FOXK1: variants seen among roughly 807,000 people sequenced by gnomAD.
FOXK1 encodes forkhead box protein K1.
FOXK1 carries 19 observed loss-of-function variants against 51.9 expected under a neutral mutation model. That is an observed-to-expected ratio of 0.37 (90% CI 0.26 to 0.54). The LOEUF (loss-of-function observed/expected upper bound fraction) is 0.54, where lower values mean the gene tolerates loss of function less well. FOXK1 is among the 20% of genes least tolerant of loss of function. The pLI is 0.87. For missense variants in FOXK1, 870 were observed against 1,032.7 expected (o/e 0.84, Z 2.16); for synonymous variants, 537 against 482.6 (o/e 1.11, Z -1.48).
At chr7:4,725,877 T>C (rs1327851571) in intron 1 of FOXK1, among the ~76,000 whole-genome samples, 1 of 152,202 alleles carries the variant, frequency 6.6e-6, no homozygotes, top group African/African-American at 2.4e-5. Context: ...GGCTTCTGGC[T>C]GGCAGGGGTG....
Position 4,756,720 on chromosome 7 carries a change from G to A in FOXK1, c.1051-274G>A, listed in dbSNP as rs1780857821. Among the ~76,000 whole-genome samples the A allele has an allele frequency of 6.6e-6, 1 of 151,422 alleles. No individual in the cohort carries two copies. The highest frequency in any genetic ancestry group is 2.4e-5 in the African/African-American group (1 of 41,190). On this transcript the variant is annotated intron_variant, in intron 4 of 8. Coordinates refer to ENST00000328914, the MANE Select transcript of FOXK1 (RefSeq NM_001037165.2). The surrounding 1 kb of genome is among the most constrained non-coding windows in gnomAD (Gnocchi z 4.1). Reference sequence around the variant, plus strand: ...GCGGAACTTGCAGTGAGCCGAGATCGTGCCACTGCACTCCATCCTGGGCGA... The same window carrying A: ...GCGGAACTTGCAGTGAGCCGAGATCATGCCACTGCACTCCATCCTGGGCGA...
In FOXK1 at chr7:4,762,283, C is replaced by T; in HGVS notation, c.2021C>T (p.Ala674Val). 3 of 1,550,688 alleles carry T rather than the reference C, an allele frequency of 1.9e-6. No individual in the cohort carries two copies. Among genetic ancestry groups the T allele is most frequent in the Non-Finnish European group, 2.6e-6 (3 of 1,146,866 alleles). Residue 674 changes from alanine to valine, a missense_variant, in exon 9 of 9, where the codon GCA becomes GTA. Ala to Val is a moderately conservative substitution (Grantham distance 64). Coordinates refer to ENST00000328914, the MANE Select transcript of FOXK1 (RefSeq NM_001037165.2). The surrounding 1 kb of genome is among the most constrained non-coding windows in gnomAD (Gnocchi z 5.7). ...GAGGTGGGGCCCAAGGAGCCAGCAG[C>T]AGCCGTCGCGGCCACGGCCACCACC... The part of the protein sequence containing the change: ...VCEVGPKEPA[A>V]AVAATATTTP...
intron 2 of FOXK1, among the ~76,000 whole-genome samples, chr7:4,742,125 C>T (rs770763844): frequency 9.9e-5 from 15 of 152,244 alleles, no homozygotes; most frequent in Non-Finnish European, 1.9e-4. Flanking sequence ...GCAGTTTCTG[C>T]GTCGCTCGCG....
intron 2 of FOXK1, among the ~76,000 whole-genome samples, chr7:4,741,860 T>C (rs938222694): frequency 6.6e-6 from 1 of 152,344 alleles, no homozygotes; most frequent in South Asian, 2.1e-4. Flanking sequence ...AGCCCTAGAC[T>C]GAGTCACACA....
In FOXK1 at chr7:4,764,711, C is replaced by T. The variant is rs1326495655; in HGVS notation, c.*2247C>T. 4 of 152,318 alleles carry T rather than the reference C, an allele frequency of 2.6e-5. No homozygotes were observed. The highest frequency in any genetic ancestry group is 5.9e-5 in the Non-Finnish European group (4 of 68,120). The allele number at this position is 152,318 out of a possible 1,614,324, so 9.4% of individuals were successfully genotyped here. Reference sequence around the variant, plus strand: ...GGTGACTATATGTCCTCAGGGCTGCCTGTGGCCACCCTGATGGGAGACCTC... The same window carrying T: ...GGTGACTATATGTCCTCAGGGCTGCTTGTGGCCACCCTGATGGGAGACCTC... On this transcript the variant is annotated 3_prime_UTR_variant, in exon 9 of 9. Coordinates refer to ENST00000328914, the MANE Select transcript of FOXK1 (RefSeq NM_001037165.2).
At chr7:4,746,340 T>C (rs971087486) in intron 2 of FOXK1, among the ~76,000 whole-genome samples, 3 of 152,208 alleles carry the variant, frequency 2.0e-5, no homozygotes, top group Non-Finnish European at 4.4e-5. Context: ...GGATCTACGT[T>C]AGAAATACTC....
chr7:4,721,771 A>G (rs1042948808), intron 1 of FOXK1, among the ~76,000 whole-genome samples: 2 of 151,666 alleles, frequency 1.3e-5, no homozygotes, highest in African/African-American at 4.8e-5. Flanking sequence ...TTGCATTTTT[A>G]GTATAGACAG....
intron 1 of FOXK1, among the ~76,000 whole-genome samples, chr7:4,713,324 C>A (rs1049449045): frequency 6.6e-6 from 1 of 152,054 alleles, no homozygotes; most frequent in Non-Finnish European, 1.5e-5. Flanking sequence ...GATTCCCGCT[C>A]ACTGAGATTC....
At chr7:4,751,583 C>G (rs147476367) in intron 2 of FOXK1, among the ~76,000 whole-genome samples, 1 of 152,200 alleles carries the variant, frequency 6.6e-6, no homozygotes, top group Non-Finnish European at 1.5e-5. Context: ...GGCCTGGTAT[C>G]GGGGGCCTTG....
rs762943822 is a variant in FOXK1, at chr7:4,735,472, T to G, written c.561-5366T>G. On this transcript the variant is annotated intron_variant, in intron 1 of 8. Coordinates refer to ENST00000328914, the MANE Select transcript of FOXK1 (RefSeq NM_001037165.2). The surrounding 1 kb of genome is among the most constrained non-coding windows in gnomAD (Gnocchi z 4.7). Reference sequence around the variant, plus strand: ...CAACTTCGGAACATTTTCCTGACTCTAGAAAGAACCCCCTAGCTCTTAGTC... The same window carrying G: ...CAACTTCGGAACATTTTCCTGACTCGAGAAAGAACCCCCTAGCTCTTAGTC... Among the ~76,000 whole-genome samples the G allele has an allele frequency of 7.2e-5, 11 of 152,176 alleles. No homozygotes were observed. The highest frequency in any genetic ancestry group is 2.1e-4 in the South Asian group (1 of 4,828).
Position 4,763,534 on chromosome 7 carries a change from G to A in FOXK1, c.*1070G>A, listed in dbSNP as rs915219418. 2.0e-5 allele frequency: 3 copies of A among 152,400 alleles called. No individual in the cohort carries two copies. The highest frequency in any genetic ancestry group is 4.4e-5 in the Non-Finnish European group (3 of 68,192). 9.4% of individuals were successfully genotyped at this position (152,400 alleles called of 1,614,324 possible). A position where few individuals can be genotyped will look rare whatever the true frequency, so the allele number is the denominator to read the frequency against. Reference sequence around the variant, plus strand: ...CCTGAAACTCCAGGGCCCCTCCCTGGGCTGTCCGTGAGCAGGAGACCCCAC... The same window carrying A: ...CCTGAAACTCCAGGGCCCCTCCCTGAGCTGTCCGTGAGCAGGAGACCCCAC... On this transcript the variant is annotated 3_prime_UTR_variant, in exon 9 of 9. Coordinates refer to ENST00000328914, the MANE Select transcript of FOXK1 (RefSeq NM_001037165.2).
intron 1 of FOXK1, among the ~76,000 whole-genome samples, chr7:4,718,841 C>G (rs936739152): frequency 6.6e-6 from 1 of 152,194 alleles, no homozygotes; most frequent in Non-Finnish European, 1.5e-5. Flanking sequence ...CGGAGTTTCA[C>G]TCTTGTCACC....
At position 4,755,750 on chromosome 7, in the gene FOXK1, T is replaced by A. The variant is rs4724054; in HGVS notation, c.1050+367T>A. On this transcript the variant is annotated intron_variant, in intron 4 of 8. Coordinates refer to ENST00000328914, the MANE Select transcript of FOXK1 (RefSeq NM_001037165.2). The surrounding 1 kb of genome is among the most constrained non-coding windows in gnomAD (Gnocchi z 6.6). ...TGTGTCTACAAAGAAAAAAAATATC[T>A]TTTTAACTAAGAAGATAAATATAAA... 4.6e-5 allele frequency among the ~76,000 whole-genome samples: 7 copies of A among 152,168 alleles called. No individual in the cohort carries two copies. Among genetic ancestry groups the A allele is most frequent in the Admixed American group, 3.9e-4 (6 of 15,268 alleles).
At position 4,762,094 on chromosome 7, in the gene FOXK1, T is replaced by C; in HGVS notation, c.1922-90T>C. ...GGGTGCACTGACCTCCGGTTCCGGC[T>C]TGGTGGCTTAGCCCCTGTATAGGGG... On this transcript the variant is annotated intron_variant, in intron 8 of 8. Transcript: ENST00000328914. This position sits in a 1 kb window ranked among gnomAD's most constrained non-coding sequence, Gnocchi z 5.7. 7.0e-7 allele frequency: 1 copy of C among 1,436,144 alleles called. No homozygotes were observed. Among genetic ancestry groups the C allele is most frequent in the Admixed American group, 2.3e-5 (1 of 43,284 alleles). The allele number at this position is 1,436,144 out of a possible 1,614,324, so 89.0% of individuals were successfully genotyped here.
chr7:4,688,862 G>C (rs528937831), intron 1 of FOXK1, among the ~76,000 whole-genome samples: 1 of 152,064 alleles, frequency 6.6e-6, no homozygotes, highest in African/African-American at 2.4e-5. Flanking sequence ...TGCCAGAACT[G>C]CCTTCTAGGT....
intron 2 of FOXK1, among the ~76,000 whole-genome samples, chr7:4,751,801 C>G (rs1780782562): frequency 6.6e-6 from 1 of 152,250 alleles, no homozygotes; most frequent in East Asian, 1.9e-4. Context: ...CAGGATCCGG[C>G]AGCCCAGGCC....
At chr7:4,712,660 G>A (rs1048707076) in intron 1 of FOXK1, among the ~76,000 whole-genome samples, 1 of 152,130 alleles carries the variant, frequency 6.6e-6, no homozygotes, top group Non-Finnish European at 1.5e-5. Context: ...GTGTACCAGC[G>A]ATCAGGCTTC....
In FOXK1 at chr7:4,757,463, T is replaced by C. The variant is rs187644009; in HGVS notation, c.1244+276T>C. Among the ~76,000 whole-genome samples the C allele has an allele frequency of 3.8e-3, 573 of 151,744 alleles. 14 individuals carry two copies. Among genetic ancestry groups the C allele is most frequent in the African/African-American group, 3.6e-3 (148 of 41,418 alleles). ...GCCAACATGGTGAAACCCCTGCCTC[T>C]ACTAAAAAAATTCAAAATTAGTCGG... On this transcript the variant is annotated intron_variant, in intron 5 of 8. Transcript: ENST00000328914.
Position 4,709,063 on chromosome 7 carries a change from C to CAA in FOXK1, c.560+26210_560+26211dup, listed in dbSNP as rs111595744. ...CTGGGCAATGAGCGAGACTCTGTCT[C>CAA]AAAAAAAAAAAAAAAAGAAAAGAAA... On this transcript the variant is annotated intron_variant, in intron 1 of 8. Coordinates refer to ENST00000328914, the MANE Select transcript of FOXK1 (RefSeq NM_001037165.2). This position sits in a 1 kb window ranked among gnomAD's most constrained non-coding sequence, Gnocchi z 5.6. Among the ~76,000 whole-genome samples the CAA allele has an allele frequency of 9.8e-4, 64 of 65,078 alleles. No homozygotes were observed. The highest frequency in any genetic ancestry group is 2.3e-3 in the African/African-American group (49 of 21,668). The allele number at this position is 65,078 out of a possible 152,430, so 42.7% of individuals were successfully genotyped here.
Sources: gnomAD v4.1 joint callset for allele counts (sites outside exome capture counted in the v4.1 genomes callset) on GRCh38, gnomAD v4.1.1 for gene constraint, Gnocchi (gnomAD v3.1) non-coding constraint, MANE v1.5 for transcripts, NCBI Gene and HGNC (gene_info 2026-07-23, HGNC 2026-07-21) for gene names.